Variants in KCNMA1 observed in about 807,000 individuals in gnomAD.
KCNMA1 encodes the protein potassium calcium-activated channel subfamily M alpha 1, also known as Calcium-activated potassium channel subunit alpha-1.
Under a neutral mutation model 140.0 loss-of-function variants are expected in KCNMA1, and 29 were observed. That is an observed-to-expected ratio of 0.21 (90% CI 0.15 to 0.28). KCNMA1 has a LOEUF of 0.28. KCNMA1 is among the 10% of genes least tolerant of loss of function. KCNMA1 has a pLI of 1.00. For missense variants in KCNMA1, 880 were observed against 1,602.2 expected (o/e 0.55, Z 7.70); for synonymous variants, 612 against 611.9 (o/e 1.00, Z 0.00).
chr10:77,357,491 T>G (rs926372385), intron 2 of KCNMA1, among the ~76,000 whole-genome samples: 2 of 152,240 alleles, frequency 1.3e-5, no homozygotes, highest in Non-Finnish European at 2.9e-5. Context: ...AAACCTTGTC[T>G]TGTATATTCC....
At chr10:77,388,425 A>C (rs1206663098) in intron 2 of KCNMA1, among the ~76,000 whole-genome samples, 2 of 152,246 alleles carry the variant, frequency 1.3e-5, no homozygotes, top group Non-Finnish European at 2.9e-5. Flanking sequence ...ATGGGATAGA[A>C]GACAGCCTGG....
chr10:77,300,235 C>T (rs936418773), intron 2 of KCNMA1, among the ~76,000 whole-genome samples: 1 of 152,204 alleles, frequency 6.6e-6, no homozygotes, highest in Non-Finnish European at 1.5e-5. Context: ...AGGTAAGAGA[C>T]CTGAGAAAGC....
intron 2 of KCNMA1, among the ~76,000 whole-genome samples, chr10:77,278,316 C>A (rs1016438355): frequency 6.6e-6 from 1 of 152,104 alleles, no homozygotes; most frequent in East Asian, 1.9e-4. Context: ...ACCATTTAAC[C>A]ATTTCCATAT....
rs553595715 is a variant in KCNMA1, at chr10:77,534,086, G to A, written c.378+103179C>T. Among the ~76,000 whole-genome samples the A allele has an allele frequency of 5.9e-5, 9 of 152,256 alleles. 1 individual carries two copies. The South Asian group carries it at 1.0e-3, about 18-fold the overall frequency. On this transcript the variant is annotated intron_variant, in intron 1 of 27. Coordinates refer to ENST00000286628, the MANE Select transcript of KCNMA1 (RefSeq NM_001161352.2). Reference sequence around the variant, plus strand: ...CCAGGCCAGGCTTCCCCCTCAGGGCGTTACCAGGCTCCTCCCCAGCTTCTC... The same window carrying A: ...CCAGGCCAGGCTTCCCCCTCAGGGCATTACCAGGCTCCTCCCCAGCTTCTC...
chr10:77,265,795 C>T (rs1370705781), intron 2 of KCNMA1, among the ~76,000 whole-genome samples: 1 of 151,886 alleles, frequency 6.6e-6, no homozygotes, highest in Non-Finnish European at 1.5e-5. Flanking sequence ...AATACATAGG[C>T]TTAGGCTGGG....
chr10:76,901,402 C>G (rs1314982712), intron 25 of KCNMA1: 1 of 152,068 alleles, frequency 6.6e-6, no homozygotes, highest in Non-Finnish European at 1.5e-5. Context: ...AAAACACAGT[C>G]AATTTTTTTT....
intron 2 of KCNMA1, among the ~76,000 whole-genome samples, chr10:77,289,155 A>T (rs1479913921): frequency 6.6e-6 from 1 of 152,090 alleles, no homozygotes; most frequent in Non-Finnish European, 1.5e-5. Context: ...TCAGATCAAG[A>T]TCACCAAACC....
chr10:77,567,988 A>C (rs1425398784), intron 1 of KCNMA1, among the ~76,000 whole-genome samples: 1 of 152,204 alleles, frequency 6.6e-6, no homozygotes, highest in Non-Finnish European at 1.5e-5. Flanking sequence ...ATCTAGAAGA[A>C]ATGGATAAAT....
At chr10:76,929,377 C>T (rs954045969) in intron 23 of KCNMA1, among the ~76,000 whole-genome samples, 2 of 152,174 alleles carry the variant, frequency 1.3e-5, no homozygotes, top group Non-Finnish European at 2.9e-5. Context: ...TGCCCACCTG[C>T]CTTGACCTCT....
intron 3 of KCNMA1, among the ~76,000 whole-genome samples, chr10:77,215,811 T>C (rs2047556974): frequency 6.6e-6 from 1 of 152,104 alleles, no homozygotes; most frequent in Admixed American, 6.5e-5. Context: ...TGGGGCCTTA[T>C]GATGGGATTA....
At position 76,949,013 on chromosome 10, in the gene KCNMA1, G is replaced by GT. The variant is rs1265159844; in HGVS notation, c.2709+128_2709+129insA. The GT allele has an allele frequency of 8.3e-6, 7 of 845,960 alleles. No individual in the cohort carries two copies. The East Asian group carries it at 1.4e-4, about 17-fold the overall frequency. 52.4% of individuals were successfully genotyped at this position (845,960 alleles called of 1,614,324 possible). ...CTTGACAGAGCATAGGGGAAGTGCT[G>GT]AGTCCTCAGGCCCATACCCAGATGA... On this transcript the variant is annotated intron_variant, in intron 22 of 27. Transcript: ENST00000286628.
intron 3 of KCNMA1, among the ~76,000 whole-genome samples, chr10:77,232,189 T>G (rs189480079): frequency 6.6e-6 from 1 of 152,358 alleles, no homozygotes; most frequent in East Asian, 1.9e-4. Context: ...CATCTGTTGA[T>G]GGGCATTTAG....
chr10:76,993,477 T>C (rs1257149771), intron 19 of KCNMA1, among the ~76,000 whole-genome samples: 1 of 152,204 alleles, frequency 6.6e-6, no homozygotes, highest in Non-Finnish European at 1.5e-5. Flanking sequence ...AATTAAACTG[T>C]CTTTTAAAGA....
rs867271833 is a variant in KCNMA1 at position 77,453,964 on chromosome 10, A to G, written c.379-49941T>C. Among the ~76,000 whole-genome samples the G allele has an allele frequency of 3.3e-5, 5 of 152,288 alleles. No individual in the cohort carries two copies. The Middle Eastern group carries it at 0.01, about 311-fold the overall frequency. On this transcript the variant is annotated intron_variant, in intron 1 of 27. Transcript: ENST00000286628. The stretch of plus-strand genomic sequence containing the variant: ...AGAATAGCAGCGTCTCTGTAGTGGG[A>G]AAAAATTAGCCCTAGATTAAGAGAG...
Position 76,885,420 on chromosome 10 carries a change from G to A in KCNMA1, c.*1846C>T, listed in dbSNP as rs1036782477. On this transcript the variant is annotated 3_prime_UTR_variant, in exon 28 of 28. Transcript: ENST00000286628. ...TGAATACTACGCTGCCCCTGTCTTTGGTGTGGGGGAGGGTGGAGGTTCTGA... is the reference window on the plus strand; with the variant it reads ...TGAATACTACGCTGCCCCTGTCTTTAGTGTGGGGGAGGGTGGAGGTTCTGA... 1 of 984,920 alleles carries A rather than the reference G, an allele frequency of 1.0e-6. No individual in the cohort carries two copies. The highest frequency in any genetic ancestry group is 1.2e-6 in the Non-Finnish European group (1 of 829,794). The allele number at this position is 984,920 out of a possible 1,614,324, so 61.0% of individuals were successfully genotyped here. A position where few individuals can be genotyped will look rare whatever the true frequency, so the allele number is the denominator to read the frequency against.
chr10:77,106,237 A>G (rs1208228950), intron 9 of KCNMA1, among the ~76,000 whole-genome samples: 1 of 152,202 alleles, frequency 6.6e-6, no homozygotes, highest in African/African-American at 2.4e-5. Flanking sequence ...TTAAAAGCAA[A>G]GTGCATTTTC....
At chr10:76,990,176 G>A (rs1340497575) in intron 19 of KCNMA1, among the ~76,000 whole-genome samples, 1 of 152,190 alleles carries the variant, frequency 6.6e-6, no homozygotes, top group African/African-American at 2.4e-5. Context: ...TAGATGAAAT[G>A]AGATGATGTT....
intron 1 of KCNMA1, among the ~76,000 whole-genome samples, chr10:77,429,233 G>C (rs1035680717): frequency 6.6e-6 from 1 of 152,164 alleles, no homozygotes; most frequent in African/African-American, 2.4e-5. Flanking sequence ...CCAAGTGTTA[G>C]AGCCAGGAAC....
intron 2 of KCNMA1, among the ~76,000 whole-genome samples, chr10:77,313,606 T>C (rs1215258673): frequency 6.6e-6 from 1 of 152,180 alleles, no homozygotes; most frequent in African/African-American, 2.4e-5. Flanking sequence ...AAGCAGATGC[T>C]AGGATCCTGG....
Sources: gnomAD v4.1 joint callset for allele counts (sites outside exome capture counted in the v4.1 genomes callset) on GRCh38, gnomAD v4.1.1 for gene constraint, MANE v1.5 for transcripts, NCBI Gene and HGNC (gene_info 2026-07-23, HGNC 2026-07-21) for gene names.